Variants in ANKLE2 observed in about 807,000 individuals in gnomAD.
The protein encoded by ANKLE2 is ankyrin repeat and LEM domain-containing protein 2.
In ANKLE2, 55 loss-of-function variants were observed where a neutral mutation model predicts 84.2. The ratio of observed to expected loss-of-function variants is 0.65; its 90% confidence interval spans 0.53 to 0.82. The LOEUF (loss-of-function observed/expected upper bound fraction) is 0.82. ANKLE2 is among the 40% of genes least tolerant of loss of function. The pLI is 0.00. For synonymous variants in ANKLE2, 551 were observed against 486.1 expected, an observed-to-expected ratio of 1.13 and a Z score of -1.76; for missense variants, 1,238 against 1,201.9, an observed-to-expected ratio of 1.03 and a Z score of -0.44.
At chr12:132,746,414 G>A (rs961645146) in intron 5 of ANKLE2, among the ~76,000 whole-genome samples, 1 of 149,300 alleles carries the variant, frequency 6.7e-6, no homozygotes, top group African/African-American at 2.5e-5. Context: ...AGAGTCCTAC[G>A]CATAAGTGGC....
At position 132,730,054 on chromosome 12, in the gene ANKLE2, T is replaced by C. The variant is rs750777480; in HGVS notation, c.2108A>G (p.His703Arg). The C allele has an allele frequency of 1.9e-6, 3 of 1,612,976 alleles. No individual in the cohort carries two copies. Among genetic ancestry groups the C allele is most frequent in the Admixed American group, 1.7e-5 (1 of 59,976 alleles). Residue 703 changes from histidine to arginine, a missense_variant, in exon 11 of 13, where the codon CAT (histidine) becomes CGT (arginine). Transcript: ENST00000357997. ...GPHSSRNGLC[H>R]PLNHSRTLAG... ...CAGGGTCCTGCTGTGATTCAGAGGATGGCAGAGCCCATTTCTGCTGCTGTG... is the reference window on the plus strand; with the variant it reads ...CAGGGTCCTGCTGTGATTCAGAGGACGGCAGAGCCCATTTCTGCTGCTGTG...
In ANKLE2 at chr12:132,755,137, G is replaced by A. The variant is rs768919467; in HGVS notation, c.182-4C>T. Reference sequence around the variant, plus strand: ...AGAGCATCCATTGTCATTTCACCTAGGCCCAAGACAAAAAAATCAAAGAGT... The same window carrying A: ...AGAGCATCCATTGTCATTTCACCTAAGCCCAAGACAAAAAAATCAAAGAGT... On this transcript the variant is annotated splice_polypyrimidine_tract_variant and splice_region_variant and intron_variant, in intron 1 of 12. Transcript: ENST00000357997. 7 of 1,585,362 alleles carry A rather than the reference G, an allele frequency of 4.4e-6. No individual in the cohort carries two copies. The East Asian group carries it at 1.1e-4, about 25-fold the overall frequency.
At position 132,747,900 on chromosome 12, in the gene ANKLE2, C is replaced by T. The variant is rs566773370; in HGVS notation, c.1162G>A (p.Asp388Asn). ...DFMRLMYPDD[D>N]EAMLQKRIRY... ...ATACGCTTCTGCAGCATGGCCTCGT[C>T]GTCATCAGGGTACATCAGCCTCATG... is the stretch of plus-strand genomic sequence containing the variant. Residue 388 changes from aspartate (D) to asparagine (N), a missense_variant, in exon 5 of 13, where the codon GAC (aspartate) becomes AAC (asparagine). By Grantham distance (23) the Asp-to-Asn change is conservative. Around this residue, in one of 3 missense-constraint regions of ANKLE2, gnomAD observed 802 missense variants for 774.5 expected, o/e 1.04. Transcript: ENST00000357997. 8 of 1,609,920 alleles carry T rather than the reference C, an allele frequency of 5.0e-6. No homozygotes were observed. Among genetic ancestry groups the T allele is most frequent in the South Asian group, 4.4e-5 (4 of 90,440 alleles).
In ANKLE2 at chr12:132,725,681, G is replaced by A. The variant is rs2043687110; in HGVS notation, c.*1561C>T. ...CCACATACAAAATCAGGGCCAAAACGTTTTACTTTCCATTTGAATTTACAA... is the reference window on the plus strand; with the variant it reads ...CCACATACAAAATCAGGGCCAAAACATTTTACTTTCCATTTGAATTTACAA... On this transcript the variant is annotated 3_prime_UTR_variant, in exon 13 of 13. Transcript: ENST00000357997. The A allele has an allele frequency of 6.6e-6, 1 of 152,148 alleles. No homozygotes were observed. The highest frequency in any genetic ancestry group is 2.4e-5 in the African/African-American group (1 of 41,424). The allele number at this position is 152,148 out of a possible 1,614,324, so 9.4% of individuals were successfully genotyped here. A position where few individuals can be genotyped will look rare whatever the true frequency, so the allele number is the denominator to read the frequency against.
At chr12:132,734,638 G>C in intron 9 of ANKLE2, 63 bp from the exon 10 acceptor site, 2 of 1,488,394 alleles carry the variant, frequency 1.3e-6, no homozygotes, top group Non-Finnish European at 9.0e-7. Flanking sequence ...GAACTACACA[G>C]AAAAAAGCCA....
At chr12:132,757,206 G>A (rs1041171561) in intron 1 of ANKLE2, 5 of 152,248 alleles carry the variant, frequency 3.3e-5, no homozygotes, top group Admixed American at 2.6e-4. Context: ...CACACCTAAA[G>A]CTATTTTCTG....
chr12:132,750,061 C>T (rs556785717), intron 3 of ANKLE2, among the ~76,000 whole-genome samples: 4 of 151,908 alleles, frequency 2.6e-5, no homozygotes, highest in East Asian at 1.9e-4. Flanking sequence ...AAACATTAGC[C>T]GGGTGTGGCA....
At chr12:132,735,536 G>C in intron 8 of ANKLE2, 24 bp from the exon 9 acceptor site, 1 of 1,601,448 alleles carries the variant, frequency 6.2e-7, no homozygotes, top group Non-Finnish European at 8.5e-7. Context: ...AAAATGTATT[G>C]AGCCGTGTCA....
intron 1 of ANKLE2, chr12:132,758,905 AGTG>A (rs2044540583): frequency 6.7e-6 from 1 of 148,854 alleles, no homozygotes; most frequent in Non-Finnish European, 1.5e-5. Context: ...ATCGCTGCGG[AGTG>A]GCACCCCGGG....
intron 10 of ANKLE2, among the ~76,000 whole-genome samples, chr12:132,733,252 G>C (rs1450308150): frequency 1.8e-3 from 103 of 56,328 alleles, no homozygotes; most frequent in Admixed American, 3.3e-3. Context: ...GTGAAGCACT[G>C]CGCGTCCTGG....
rs867700971 is a variant in ANKLE2, at chr12:132,761,823, C to T, written c.-25G>A. On this transcript the variant is annotated 5_prime_UTR_variant, in exon 1 of 13. Transcript: ENST00000357997. ...TCGCCGCCGCCCGGGCCGCAGCCGC[C>T]GAGAAGCCCGCGCCCCGCGCCGCGC... 2.2e-3 allele frequency: 2,240 copies of T among 1,002,600 alleles called. 42 individuals are homozygous for T. In the African/African-American group the frequency reaches 0.037, roughly 17 times the overall value. 62.1% of individuals were successfully genotyped at this position (1,002,600 alleles called of 1,614,324 possible). A position where few individuals can be genotyped will look rare whatever the true frequency, so the allele number is the denominator to read the frequency against.
intron 10 of ANKLE2, 115 bp from the exon 11 acceptor site, chr12:132,730,385 A>C: frequency 6.4e-6 from 1 of 156,270 alleles, no homozygotes; most frequent in Non-Finnish European, 8.4e-6. Flanking sequence ...CTTATACCCA[A>C]AACCTCCCCA....
chr12:132,742,093 C>T (rs1227842313), intron 6 of ANKLE2: 1 of 287,612 alleles, frequency 3.5e-6, no homozygotes, highest in East Asian at 9.9e-5. Flanking sequence ...GAGTCTGTAC[C>T]TGATTGTGAG....
intron 1 of ANKLE2, 84 bp downstream of exon 1, chr12:132,761,534 G>T (rs1304349042): frequency 2.7e-6 from 3 of 1,106,644 alleles, no homozygotes; most frequent in Non-Finnish European, 2.3e-6. Context: ...CTCCAGGGGC[G>T]CGGCCGGGAC....
rs756619886 is a variant in ANKLE2 at position 132,747,910 on chromosome 12, G to C, written c.1152C>G (p.Tyr384Ter). The C allele has an allele frequency of 9.3e-6, 15 of 1,608,238 alleles. No homozygotes were observed. Among genetic ancestry groups the C allele is most frequent in the Non-Finnish European group, 8.5e-7 (1 of 1,178,724 alleles). The change falls in exon 5 of 13, where the codon TAC (tyrosine) becomes TAG (stop). Residue 384 changes from tyrosine to a stop codon, truncating the protein, a stop_gained. Coordinates refer to ENST00000357997, the MANE Select transcript of ANKLE2 (RefSeq NM_015114.3). LOFTEE classifies it high-confidence loss of function. ...GCAGCATGGCCTCGTCGTCATCAGGGTACATCAGCCTCATGAAGTCAGGGT... is the reference window on the plus strand; with the variant it reads ...GCAGCATGGCCTCGTCGTCATCAGGCTACATCAGCCTCATGAAGTCAGGGT... ...LENPDFMRLM[Y>*]PDDDEAMLQK... is the part of the protein sequence containing the mutation.
At chr12:132,759,202 T>TCGCTGCGGAGTGGCACCCCAGGGCACCCA (rs1566042072) in intron 1 of ANKLE2, 1 of 54,870 alleles carries the variant, frequency 1.8e-5, no homozygotes. Flanking sequence ...GCAGAGTGGA[T>TCGCTGCGGAGTGGCACCCCAGGGCACCCA]CATGCAGAGT....
At chr12:132,727,972 A>G in intron 12 of ANKLE2, 60 bp downstream of exon 12, 2 of 1,559,070 alleles carry the variant, frequency 1.3e-6, no homozygotes, top group South Asian at 2.4e-5. Context: ...GTGGAACTGG[A>G]CCCTGCAGAA....
At chr12:132,748,428 A>T (rs2044286039) in intron 3 of ANKLE2, 97 bp from the exon 4 acceptor site, 1 of 1,425,986 alleles carries the variant, frequency 7.0e-7, no homozygotes, top group Non-Finnish European at 9.6e-7. Flanking sequence ...CTTTCCACAG[A>T]GGCTTCTGGG....
At chr12:132,757,840 T>G (rs1054518917) in intron 1 of ANKLE2, 24 of 150,736 alleles carry the variant, frequency 1.6e-4, no homozygotes, top group African/African-American at 5.4e-4. Flanking sequence ...AAAAATTAGC[T>G]GAGTGTGGTG....
Sources: allele counts gnomAD v4.1 joint callset (sites outside exome capture counted in the v4.1 genomes callset), GRCh38; gene constraint gnomAD v4.1.1; regional missense constraint gnomAD v4.1.1; transcripts MANE v1.5; gene names NCBI Gene and HGNC (gene_info 2026-07-23, HGNC 2026-07-21).